The following OTUD7A variants were observed in gnomAD, a reference collection of about 807,000 sequenced individuals.
OTUD7A encodes OTU domain-containing protein 7A.
OTUD7A carries 12 observed loss-of-function variants against 65.7 expected under a neutral mutation model. That is an observed-to-expected ratio of 0.18 (90% CI 0.12 to 0.30). The LOEUF (loss-of-function observed/expected upper bound fraction) is 0.30, where lower values mean the gene tolerates loss of function less well. Among genes scored for constraint, OTUD7A ranks in the 10% least tolerant of loss-of-function variants. OTUD7A has a pLI of 1.00. For synonymous variants in OTUD7A, 641 were observed against 586.3 expected (o/e 1.09, Z -1.35); for missense variants, 1,148 against 1,304.8 (o/e 0.88, Z 1.85).
chr15:31,609,175 C>T (rs928487171), intron 3 of OTUD7A, among the ~76,000 whole-genome samples: 5 of 152,206 alleles, frequency 3.3e-5, no homozygotes, highest in Non-Finnish European at 5.9e-5. Flanking sequence ...AAAAGGAAGT[C>T]TCAAGCTGAA....
rs1405137693 is a variant in OTUD7A, at chr15:31,753,713, TA to T, written c.-99-96637del. ...TATATATATATATATTATATATATA[TA>T]TATATATTATATATATATATATATA... On this transcript the variant is annotated intron_variant, in intron 1 of 12. Coordinates refer to ENST00000307050, the MANE Select transcript of OTUD7A (RefSeq NM_001382637.1). 3.8e-4 allele frequency among the ~76,000 whole-genome samples: 44 copies of T among 114,620 alleles called. 3 individuals carry two copies. The highest frequency in any genetic ancestry group is 2.0e-3 in the African/African-American group (44 of 21,636). 75.2% of individuals were successfully genotyped at this position (114,620 alleles called of 152,430 possible). A position where few individuals can be genotyped will look rare whatever the true frequency, so the allele number is the denominator to read the frequency against.
chr15:31,773,062 CTATCTATG>C (rs971068930), intron 1 of OTUD7A, among the ~76,000 whole-genome samples: 3 of 152,016 alleles, frequency 2.0e-5, no homozygotes, highest in African/African-American at 7.3e-5. Context: ...AGATATAAAC[CTATCTATG>C]TATCTGTATA....
intron 1 of OTUD7A, among the ~76,000 whole-genome samples, chr15:31,859,066 A>G (rs1897652449): frequency 6.6e-6 from 1 of 152,264 alleles, no homozygotes; most frequent in Admixed American, 6.5e-5. Flanking sequence ...GCAAAGCACT[A>G]TAAAACTGCA....
chr15:31,587,402 C>G (rs545753070), intron 3 of OTUD7A, among the ~76,000 whole-genome samples: 2 of 152,132 alleles, frequency 1.3e-5, no homozygotes, highest in South Asian at 4.2e-4. Context: ...CTCTGGGAGG[C>G]TGAGGCAGGT....
At position 31,577,706 on chromosome 15, in the gene OTUD7A, T is replaced by A. The variant is rs114805982; in HGVS notation, c.152-7509A>T. 3.8e-3 allele frequency among the ~76,000 whole-genome samples: 584 copies of A among 151,896 alleles called. 4 individuals carry two copies. Among genetic ancestry groups the A allele is most frequent in the African/African-American group, 0.013 (556 of 41,448 alleles). On this transcript the variant is annotated intron_variant, in intron 3 of 12. Transcript: ENST00000307050. ...CAGAGCAAGACTCCGTCTCAAAAAA[T>A]ATATATATATTTTACAGAATTTGGT...
In OTUD7A at chr15:31,484,570, C is replaced by A. The variant is rs770898697; in HGVS notation, c.1526G>T (p.Arg509Leu). The change falls in exon 13 of 13, where the codon CGC (arginine) becomes CTC (leucine). Residue 509 changes from arginine (R) to leucine (L), a missense_variant. Around this residue, in one of 6 missense-constraint regions of OTUD7A, gnomAD observed 842 missense variants for 769.5 expected, o/e 1.09. Transcript: ENST00000307050. This position sits in a 1 kb window ranked among gnomAD's most constrained non-coding sequence, Gnocchi z 4.5. Reference protein sequence around the residue: ...NGKDKEKEKQRKEKDKTRADS... With the variant: ...NGKDKEKEKQLKEKDKTRADS... Reference sequence around the variant, plus strand: ...GGCGCGCGTCTTGTCCTTCTCCTTGCGCTGCTTCTCCTTCTCCTTGTCCTT... The same window carrying A: ...GGCGCGCGTCTTGTCCTTCTCCTTGAGCTGCTTCTCCTTCTCCTTGTCCTT... 5.0e-6 allele frequency: 8 copies of A among 1,611,124 alleles called. No individual in the cohort carries two copies. In the African/African-American group the frequency reaches 8.0e-5, roughly 16 times the overall value.
intron 3 of OTUD7A, among the ~76,000 whole-genome samples, chr15:31,620,540 C>G (rs963471529): frequency 3.4e-4 from 51 of 151,084 alleles, no homozygotes; most frequent in Non-Finnish European, 7.2e-4. Context: ...TCTAGATTTT[C>G]TAGTTTATTT....
chr15:31,710,991 G>A (rs1893429857), intron 1 of OTUD7A, among the ~76,000 whole-genome samples: 1 of 151,748 alleles, frequency 6.6e-6, no homozygotes, highest in African/African-American at 2.4e-5. Flanking sequence ...CTGTCCTTCA[G>A]AACACTCACC....
In OTUD7A at chr15:31,850,703, A is replaced by G. The variant is rs115170959; in HGVS notation, c.-100+19804T>C. Among the ~76,000 whole-genome samples, 944 of 152,210 alleles carry G rather than the reference A, an allele frequency of 6.2e-3. 8 individuals are homozygous for G. The highest frequency in any genetic ancestry group is 0.021 in the African/African-American group (853 of 41,530). On this transcript the variant is annotated intron_variant, in intron 1 of 12. Coordinates refer to ENST00000307050, the MANE Select transcript of OTUD7A (RefSeq NM_001382637.1). ...AACCTTGCTGCAGGCAGGACAATGC[A>G]CCAATAAAGGGCACAGCTTCAGAAG...
intron 3 of OTUD7A, among the ~76,000 whole-genome samples, chr15:31,632,106 G>A (rs953192139): frequency 4.6e-5 from 7 of 152,114 alleles, no homozygotes; most frequent in African/African-American, 1.2e-4. Context: ...GTCATTCTCC[G>A]TCCAGCTTTG....
intron 3 of OTUD7A, among the ~76,000 whole-genome samples, chr15:31,621,388 T>C (rs12915255): frequency 0.045 from 6,888 of 152,218 alleles, 295 homozygotes; most frequent in African/African-American, 0.12. Context: ...CCCATTATTA[T>C]TGTGTGGGAG....
chr15:31,757,827 T>C (rs527909438), intron 1 of OTUD7A, among the ~76,000 whole-genome samples: 5 of 152,206 alleles, frequency 3.3e-5, no homozygotes, highest in Non-Finnish European at 7.3e-5. Flanking sequence ...TGTCAGTGCC[T>C]TGAGTAAACA....
rs1391188620 is a variant in OTUD7A at position 31,697,817 on chromosome 15, TGC to T, written c.-99-40742_-99-40741del. 5.9e-5 allele frequency among the ~76,000 whole-genome samples: 9 copies of T among 152,214 alleles called. 1 individual carries two copies. Among genetic ancestry groups the T allele is most frequent in the Middle Eastern group, 3.2e-3 (1 of 316 alleles). The stretch of plus-strand genomic sequence containing the variant: ...CCTGCAACCTGAACAGCAAAGCCAA[TGC>T]GCTGTGTTAGCATTGTGCCACTTCT... On this transcript the variant is annotated intron_variant, in intron 1 of 12. Coordinates refer to ENST00000307050, the MANE Select transcript of OTUD7A (RefSeq NM_001382637.1).
intron 1 of OTUD7A, among the ~76,000 whole-genome samples, chr15:31,700,396 C>G (rs1302854945): frequency 6.6e-6 from 1 of 152,048 alleles, no homozygotes; most frequent in Admixed American, 6.6e-5. Context: ...ACAGGTACCT[C>G]AGATTTCTTA....
At chr15:31,544,366 AAAT>A (rs1173655622) in intron 5 of OTUD7A, among the ~76,000 whole-genome samples, 1 of 151,812 alleles carries the variant, frequency 6.6e-6, no homozygotes, top group Non-Finnish European at 1.5e-5. Context: ...TAGAGGGAGA[AAAT>A]AATATAGATC....
intron 1 of OTUD7A, among the ~76,000 whole-genome samples, chr15:31,725,113 G>C (rs1893847943): frequency 6.6e-6 from 1 of 152,190 alleles, no homozygotes; most frequent in African/African-American, 2.4e-5. Flanking sequence ...CTACAGGTAG[G>C]AAGCAGGCTG....
chr15:31,627,926 G>T (rs1241987650), intron 3 of OTUD7A, among the ~76,000 whole-genome samples: 3 of 152,044 alleles, frequency 2.0e-5, no homozygotes, highest in African/African-American at 7.3e-5. Context: ...TCACCCACTT[G>T]TTGATGGGGT....
intron 10 of OTUD7A, among the ~76,000 whole-genome samples, chr15:31,488,296 A>T (rs1422570970): frequency 6.6e-6 from 1 of 152,172 alleles, no homozygotes; most frequent in Non-Finnish European, 1.5e-5. Context: ...TTGACTCATC[A>T]CAAAACTTCT....
chr15:31,834,976 G>C (rs1203033281), intron 1 of OTUD7A, among the ~76,000 whole-genome samples: 1 of 152,176 alleles, frequency 6.6e-6, no homozygotes, highest in Non-Finnish European at 1.5e-5. Context: ...AACTATTATG[G>C]GGAGGGGTGT....
Sources: allele counts gnomAD v4.1 joint callset (sites outside exome capture counted in the v4.1 genomes callset), GRCh38; gene constraint gnomAD v4.1.1; regional missense constraint gnomAD v4.1.1; non-coding constraint Gnocchi (gnomAD v3.1); transcripts MANE v1.5; gene names NCBI Gene and HGNC (gene_info 2026-07-23, HGNC 2026-07-21).